LNX1: variants seen among roughly 807,000 people sequenced by gnomAD.
LNX1 encodes ligand of numb-protein X 1, also known as E3 ubiquitin-protein ligase LNX.
Under a neutral mutation model 68.4 loss-of-function variants are expected in LNX1, and 54 were observed. The ratio of observed to expected loss-of-function variants is 0.79; its 90% CI spans 0.63 to 0.99. The LOEUF (loss-of-function observed/expected upper bound fraction) is 0.99, where lower values mean the gene tolerates loss of function less well. LNX1 is among the 50% of genes least tolerant of loss of function. The pLI is 0.00. For synonymous variants in LNX1, 336 were observed against 350.0 expected, an observed-to-expected ratio of 0.96 and a Z score of 0.45; for missense variants, 906 against 926.4, an observed-to-expected ratio of 0.98 and a Z score of 0.29.
chr4:53,508,288 A>G (rs1726071189), intron 2 of LNX1, 61 bp from the exon 3 acceptor site: 1 of 1,577,614 alleles, frequency 6.3e-7, no homozygotes, highest in Non-Finnish European at 8.6e-7. Context: ...TTCCTCAGTC[A>G]GCCCTCTTCA....
At chr4:53,574,215 G>C in intron 1 of LNX1, 127 bp from the exon 2 acceptor site, 2 of 747,330 alleles carry the variant, frequency 2.7e-6, no homozygotes, top group Non-Finnish European at 2.1e-6. Context: ...CAGGGTTGAG[G>C]GTCCACTCTG....
At chr4:53,556,153 C>T (rs990068004) in intron 2 of LNX1, among the ~76,000 whole-genome samples, 7 of 151,998 alleles carry the variant, frequency 4.6e-5, no homozygotes, top group African/African-American at 1.7e-4. Context: ...TGATAAGTTT[C>T]CTTATAAGAA....
At chr4:53,594,175 A>G (rs1265731928), upstream of LNX1, 4 of 150,718 alleles carry the variant, frequency 2.7e-5, no homozygotes, top group African/African-American at 9.7e-5. Flanking sequence ...AAATATGTAT[A>G]TATTCATAAA....
At chr4:53,531,519 T>A (rs183458491) in intron 2 of LNX1, among the ~76,000 whole-genome samples, 2 of 152,306 alleles carry the variant, frequency 1.3e-5, no homozygotes, top group African/African-American at 2.4e-5. Context: ...AGACAGTAGT[T>A]GGGACAATAT....
intron 2 of LNX1, among the ~76,000 whole-genome samples, chr4:53,556,704 A>T (rs1729938328): frequency 6.6e-6 from 1 of 152,250 alleles, no homozygotes; most frequent in Admixed American, 6.5e-5. Context: ...AGATGGGACC[A>T]GATAATCCTG....
At chr4:53,514,262 G>GCT (rs780510156) in intron 2 of LNX1, among the ~76,000 whole-genome samples, 20 of 152,344 alleles carry the variant, frequency 1.3e-4, no homozygotes, top group Admixed American at 1.2e-3. Flanking sequence ...TATAGAAGGT[G>GCT]CTCAGTGTAT....
intron 2 of LNX1, among the ~76,000 whole-genome samples, chr4:53,564,505 C>A (rs1730507936): frequency 6.6e-6 from 1 of 152,206 alleles, no homozygotes; most frequent in Non-Finnish European, 1.5e-5. Context: ...TCTGTCTCCC[C>A]ACTCTTACTC....
Position 53,460,850 on chromosome 4 carries a change from T to A in LNX1, c.*57A>T, listed in dbSNP as rs1469333140. On this transcript the variant is annotated 3_prime_UTR_variant, in exon 11 of 11. Coordinates refer to ENST00000263925, the MANE Select transcript of LNX1 (RefSeq NM_001126328.3). The stretch of plus-strand genomic sequence containing the variant: ...AAAAACTGACAAGATAAATATAGTG[T>A]TTCAACTTCTTAGCCTATTTGTGAT... The A allele has an allele frequency of 2.1e-6, 3 of 1,463,040 alleles. No individual in the cohort carries two copies. In the African/African-American group the frequency reaches 4.3e-5, roughly 21 times the overall value. The allele number at this position is 1,463,040 out of a possible 1,614,324, so 90.6% of individuals were successfully genotyped here. A position where few individuals can be genotyped will look rare whatever the true frequency, so the allele number is the denominator to read the frequency against.
chr4:53,509,534 T>C lies in LNX1; in HGVS notation c.381-1307A>G, dbSNP rs565172143. On this transcript the variant is annotated intron_variant, in intron 2 of 10. Transcript: ENST00000263925. Reference sequence around the variant, plus strand: ...AGCTGGGTGATCTAGGGAAATTTTATTTACCTGGCTAAACTTCCAAATTTG... The same window carrying C: ...AGCTGGGTGATCTAGGGAAATTTTACTTACCTGGCTAAACTTCCAAATTTG... Among the ~76,000 whole-genome samples, 3 of 152,350 alleles carry C rather than the reference T, an allele frequency of 2.0e-5. No homozygotes were observed. In the South Asian group the frequency reaches 6.2e-4, roughly 32 times the overall value.
intron 6 of LNX1, among the ~76,000 whole-genome samples, chr4:53,482,739 C>T (rs1238953547): frequency 6.6e-6 from 1 of 152,128 alleles, no homozygotes; most frequent in Non-Finnish European, 1.5e-5. Flanking sequence ...GAAAAACTGC[C>T]TATTTGGTAC....
intron 2 of LNX1, among the ~76,000 whole-genome samples, chr4:53,530,320 A>G (rs1160077850): frequency 6.6e-6 from 1 of 152,236 alleles, no homozygotes; most frequent in East Asian, 1.9e-4. Flanking sequence ...TTTAACATAT[A>G]AAAGGTATAC....
chr4:53,649,287 A>T (rs1256005175), intron 1 of LNX1, among the ~76,000 whole-genome samples: 1 of 152,178 alleles, frequency 6.6e-6, no homozygotes, highest in Non-Finnish European at 1.5e-5. Flanking sequence ...TCCATATGCT[A>T]TGCATTTTTG....
At chr4:53,534,046 C>A (rs576138805) in intron 2 of LNX1, among the ~76,000 whole-genome samples, 2 of 152,294 alleles carry the variant, frequency 1.3e-5, no homozygotes, top group African/African-American at 2.4e-5. Context: ...ACAGTCACAG[C>A]CTACTTTACG....
chr4:53,609,761 C>CTATTATATAT (rs1050550467), intron 2 of LNX1, among the ~76,000 whole-genome samples: 1 of 137,086 alleles, frequency 7.3e-6, no homozygotes, highest in Non-Finnish European at 1.6e-5. Context: ...ATATAATATA[C>CTATTATATAT]TATTATATAT....
chr4:53,610,884 T>C (rs1343261256), intron 2 of LNX1, among the ~76,000 whole-genome samples: 2 of 152,094 alleles, frequency 1.3e-5, no homozygotes, highest in East Asian at 3.9e-4. Flanking sequence ...ATCTAAACTC[T>C]ATACATGTCT....
At chr4:53,607,161 G>A (rs1326788475) in intron 2 of LNX1, among the ~76,000 whole-genome samples, 2 of 152,150 alleles carry the variant, frequency 1.3e-5, no homozygotes, top group African/African-American at 2.4e-5. Flanking sequence ...AGAAAGAGAG[G>A]AAGTCGAACT....
At chr4:53,501,309 G>GGGGGGGGT (rs1560630604) in intron 4 of LNX1, among the ~76,000 whole-genome samples, 1 of 115,890 alleles carries the variant, frequency 8.6e-6, no homozygotes, top group African/African-American at 3.1e-5. Flanking sequence ...TGGGGGTGGG[G>GGGGGGGGT]GGACAGGATC....
upstream of LNX1, among the ~76,000 whole-genome samples, chr4:53,592,764 G>GA (rs1253476183): frequency 2.0e-5 from 3 of 152,092 alleles, no homozygotes; most frequent in Non-Finnish European, 4.4e-5. Flanking sequence ...GAGGAAGAAG[G>GA]AAAAATGGGA....
intron 1 of LNX1, among the ~76,000 whole-genome samples, chr4:53,616,885 T>C (rs1446228566): frequency 6.6e-6 from 1 of 152,190 alleles, no homozygotes; most frequent in Non-Finnish European, 1.5e-5. Context: ...GCTAGCTGTG[T>C]GGTTACTGAT....
Sources: gnomAD v4.1 joint callset for allele counts (sites outside exome capture counted in the v4.1 genomes callset) on GRCh38, gnomAD v4.1.1 for gene constraint, MANE v1.5 for transcripts, NCBI Gene and HGNC (gene_info 2026-07-23, HGNC 2026-07-21) for gene names.